PNLIPRP3: variants seen among roughly 807,000 people sequenced by gnomAD.
The protein encoded by PNLIPRP3 is pancreatic lipase related protein 3, also known as pancreatic lipase-related protein 3.
A neutral mutation model predicts 52.8 loss-of-function variants in PNLIPRP3; 58 were observed. The observed-to-expected ratio is 1.10, with a 90% CI of 0.89 to 1.37. The LOEUF (loss-of-function observed/expected upper bound fraction) is 1.37, where lower values mean the gene tolerates loss of function less well. Among genes scored for constraint, PNLIPRP3 ranks in the 40% most tolerant of loss-of-function variants. PNLIPRP3 has a pLI of 0.00. For synonymous variants in PNLIPRP3, 192 were observed against 185.0 expected (o/e 1.04, Z -0.31); for missense variants, 593 against 561.6 (o/e 1.06, Z -0.57).
intron 1 of PNLIPRP3, among the ~76,000 whole-genome samples, chr10:116,436,067 A>C (rs1388732178): frequency 6.6e-6 from 1 of 152,222 alleles, no homozygotes. Context: ...AGTCTTTGAC[A>C]AGGGTGCCAA....
At chr10:116,458,246 C>T (rs767030174) in intron 5 of PNLIPRP3, among the ~76,000 whole-genome samples, 8 of 152,130 alleles carry the variant, frequency 5.3e-5, no homozygotes, top group African/African-American at 9.7e-5. Context: ...CTGACACACA[C>T]GTACCAAAAT....
intron 5 of PNLIPRP3, among the ~76,000 whole-genome samples, chr10:116,457,362 G>GCTCT (rs60476312): frequency 6.6e-6 from 1 of 151,622 alleles, no homozygotes; most frequent in African/African-American, 2.4e-5. Flanking sequence ...GTACGTGCTC[G>GCTCT]CTCTCTCTCT....
Position 116,475,352 on chromosome 10 carries a change from G to A in PNLIPRP3, c.1173-1300G>A, listed in dbSNP as rs147925243. Among the ~76,000 whole-genome samples, 13 of 152,226 alleles carry A rather than the reference G, an allele frequency of 8.5e-5. No homozygotes were observed. The East Asian group carries it at 1.9e-3, about 23-fold the overall frequency. ...AATGGGTACTAGGCTTAATGTCTGG[G>A]TGATGAAGTAATCTGTACAACAGAC... On this transcript the variant is annotated intron_variant, in intron 10 of 11. Coordinates refer to ENST00000369230, the MANE Select transcript of PNLIPRP3 (RefSeq NM_001011709.3).
chr10:116,455,510 G>C (rs1451844313), intron 4 of PNLIPRP3, among the ~76,000 whole-genome samples: 2 of 152,178 alleles, frequency 1.3e-5, no homozygotes, highest in Non-Finnish European at 1.5e-5. Context: ...AAGGAGGAGA[G>C]CTCCTATAGA....
chr10:116,457,561 T>TCCACCA (rs1030108494), intron 5 of PNLIPRP3, among the ~76,000 whole-genome samples: 10 of 151,976 alleles, frequency 6.6e-5, no homozygotes, highest in Admixed American at 6.6e-4. Context: ...CTCACTCACC[T>TCCACCA]CCACCACCAC....
chr10:116,477,296 G>A lies in PNLIPRP3; in HGVS notation c.*143G>A. 1 of 552,004 alleles carries A rather than the reference G, an allele frequency of 1.8e-6. No homozygotes were observed. 34.2% of individuals were successfully genotyped at this position (552,004 alleles called of 1,614,324 possible). A position where few individuals can be genotyped will look rare whatever the true frequency, so the allele number is the denominator to read the frequency against. On this transcript the variant is annotated 3_prime_UTR_variant, in exon 12 of 12. Coordinates refer to ENST00000369230, the MANE Select transcript of PNLIPRP3 (RefSeq NM_001011709.3). ...CTTACTCAGAGTCAAGTACGGGTTT[G>A]CTTTTTTTCTGTGTAGAATGTTCAT...
chr10:116,464,532 C>T (rs1846248967), intron 7 of PNLIPRP3, among the ~76,000 whole-genome samples: 1 of 152,194 alleles, frequency 6.6e-6, no homozygotes, highest in Non-Finnish European at 1.5e-5. Flanking sequence ...ATGCCCACTG[C>T]TGTGGTAGGG....
chr10:116,457,508 A>G (rs752164660), intron 5 of PNLIPRP3, among the ~76,000 whole-genome samples: 100 of 152,274 alleles, frequency 6.6e-4, no homozygotes, highest in Non-Finnish European at 1.2e-3. Flanking sequence ...TATTCCTGCT[A>G]TAAGTCATCT....
intron 4 of PNLIPRP3, among the ~76,000 whole-genome samples, chr10:116,451,621 G>A (rs10885937): frequency 0.8 from 121,980 of 152,032 alleles, 52,418 homozygotes; most frequent in Non-Finnish European, 0.97. Flanking sequence ...GTTTAAAAGA[G>A]CATGGTACCT....
chr10:116,439,631 CT>C, intron 2 of PNLIPRP3: 1 of 763,878 alleles, frequency 1.3e-6, no homozygotes. Context: ...TGTAAGGCTG[CT>C]TTTTCGCTGC....
In PNLIPRP3 at chr10:116,427,983, AT is replaced by A; in HGVS notation, c.-25del. The A allele has an allele frequency of 6.3e-7, 1 of 1,578,382 alleles. No individual in the cohort carries two copies. The highest frequency in any genetic ancestry group is 8.7e-7 in the Non-Finnish European group (1 of 1,150,356). Reference sequence around the variant, plus strand: ...TTTACAAGTAAAGATCTTCAAGAAGATTTTTATGTGATTTAAAAAATCAGCT... The same window carrying A: ...TTTACAAGTAAAGATCTTCAAGAAGATTTTATGTGATTTAAAAAATCAGCT... On this transcript the variant is annotated 5_prime_UTR_variant, in exon 1 of 12. Transcript: ENST00000369230.
chr10:116,476,538 GC>G (rs1170052394), intron 10 of PNLIPRP3, 113 bp from the exon 11 acceptor site: 3 of 771,178 alleles, frequency 3.9e-6, no homozygotes, highest in Non-Finnish European at 5.9e-6. Context: ...TCTCCTACAA[GC>G]AAATGCTAGC....
intron 8 of PNLIPRP3, among the ~76,000 whole-genome samples, chr10:116,467,224 AG>A (rs565892980): frequency 2.6e-4 from 40 of 152,304 alleles, no homozygotes; most frequent in African/African-American, 9.6e-4. Flanking sequence ...GTACCCTAAT[AG>A]TCATACAATC....
chr10:116,476,118 C>G lies in PNLIPRP3; in HGVS notation c.1173-534C>G, dbSNP rs377347018. ...ATGCCTTGAGATATGGCACCTCTCT[C>G]TGCTCTATTGCCGTGATCAACAAAA... On this transcript the variant is annotated intron_variant, in intron 10 of 11. Coordinates refer to ENST00000369230, the MANE Select transcript of PNLIPRP3 (RefSeq NM_001011709.3). Among the ~76,000 whole-genome samples, 26 of 152,234 alleles carry G rather than the reference C, an allele frequency of 1.7e-4. No homozygotes were observed. The East Asian group carries it at 3.9e-3, about 23-fold the overall frequency.
chr10:116,441,912 A>G (rs573391676), intron 2 of PNLIPRP3, among the ~76,000 whole-genome samples: 27 of 152,316 alleles, frequency 1.8e-4, no homozygotes, highest in Admixed American at 1.5e-3. Flanking sequence ...GTTAGCTATT[A>G]TAATTACTGA....
intron 4 of PNLIPRP3, among the ~76,000 whole-genome samples, chr10:116,450,355 T>C (rs1185997649): frequency 6.6e-6 from 1 of 152,216 alleles, no homozygotes; most frequent in Non-Finnish European, 1.5e-5. Context: ...AAGACAATTC[T>C]TCTTCCACTG....
chr10:116,442,969 C>T (rs975859277), intron 2 of PNLIPRP3, 86 bp from the exon 3 acceptor site: 3 of 1,036,646 alleles, frequency 2.9e-6, no homozygotes, highest in Non-Finnish European at 3.8e-6. Context: ...TAGTGAAAGG[C>T]TTTCGAGCAG....
At chr10:116,445,279 T>A (rs1003181602) in intron 4 of PNLIPRP3, among the ~76,000 whole-genome samples, 1 of 152,174 alleles carries the variant, frequency 6.6e-6, no homozygotes. Context: ...CAAGAAAATG[T>A]CAGTTGGTGA....
chr10:116,465,652 T>C (rs562604512), intron 7 of PNLIPRP3, among the ~76,000 whole-genome samples: 1 of 152,310 alleles, frequency 6.6e-6, no homozygotes, highest in Admixed American at 6.5e-5. Flanking sequence ...GGTCAGGGAC[T>C]TTACCTGGAA....
Sources: gnomAD v4.1 joint callset for allele counts (sites outside exome capture counted in the v4.1 genomes callset) on GRCh38, gnomAD v4.1.1 for gene constraint, MANE v1.5 for transcripts, NCBI Gene and HGNC (gene_info 2026-07-23, HGNC 2026-07-21) for gene names.